The following FOLH1 variants were observed in gnomAD, a reference collection of about 807,000 sequenced individuals.
The protein encoded by FOLH1 is glutamate carboxypeptidase 2.
A neutral mutation model predicts 93.9 loss-of-function variants in FOLH1; 54 were observed. That is an observed-to-expected ratio of 0.57 (90% CI 0.46 to 0.72). The LOEUF is 0.72. Ranked by LOEUF, FOLH1 falls within the 30% of genes least tolerant of loss-of-function variation. The pLI, the probability that FOLH1 is intolerant of heterozygous loss-of-function variation, is 0.00. For missense variants in FOLH1, 571 were observed against 892.5 expected (o/e 0.64, Z 4.59); for synonymous variants, 249 against 303.6 (o/e 0.82, Z 1.87).
At chr11:49,179,055 A>C (rs1363098914) in intron 7 of FOLH1, among the ~76,000 whole-genome samples, 1 of 152,266 alleles carries the variant, frequency 6.6e-6, no homozygotes, top group Non-Finnish European at 1.5e-5. Flanking sequence ...AATTCTAAAA[A>C]ATTTGGACAA....
intron 12 of FOLH1, among the ~76,000 whole-genome samples, chr11:49,166,505 C>T (rs905291357): frequency 7.9e-5 from 12 of 152,206 alleles, no homozygotes; most frequent in Admixed American, 2.6e-4. Flanking sequence ...GCACCCACTA[C>T]GCTCTTGGTG....
chr11:49,171,403 A>G, intron 10 of FOLH1, 126 bp from the exon 11 acceptor site: 1 of 1,280,534 alleles, frequency 7.8e-7, no homozygotes, highest in Non-Finnish European at 1.1e-6. Context: ...AAATTGTAGT[A>G]AAAAATCTTT....
intron 18 of FOLH1, among the ~76,000 whole-genome samples, chr11:49,147,755 C>A (rs117668725): frequency 0.015 from 2,266 of 152,134 alleles, 33 homozygotes; most frequent in South Asian, 0.03. Flanking sequence ...GACACCCTGT[C>A]GCTACAAATG....
At position 49,204,171 on chromosome 11, in the gene FOLH1, G is replaced by A. The variant is rs149291325; in HGVS notation, c.224+1896C>T. Among the ~76,000 whole-genome samples the A allele has an allele frequency of 6.7e-4, 102 of 152,334 alleles. 3 individuals are homozygous for A. The East Asian group carries it at 9.3e-3, about 14-fold the overall frequency. The stretch of plus-strand genomic sequence containing the variant: ...CCTAAGAGAAGAATCATGGGAAAGA[G>A]GCAAGCGTAAAGAAGTCCTACGATC... On this transcript the variant is annotated intron_variant, in intron 2 of 18. Coordinates refer to ENST00000256999, the MANE Select transcript of FOLH1 (RefSeq NM_004476.3).
intron 7 of FOLH1, among the ~76,000 whole-genome samples, chr11:49,177,957 C>CAG (rs1252451996): frequency 1.9e-5 from 2 of 102,564 alleles, no homozygotes; most frequent in African/African-American, 7.7e-5. Flanking sequence ...GAGCAAAACT[C>CAG]AGTCTCAAAA....
At chr11:49,159,921 TTTTTG>T (rs1857499311) in intron 13 of FOLH1, among the ~76,000 whole-genome samples, 2 of 151,250 alleles carry the variant, frequency 1.3e-5, no homozygotes, top group South Asian at 2.1e-4. Flanking sequence ...TTTTTTTCTG[TTTTTG>T]TTTTGTTTTG....
chr11:49,155,337 C>T (rs1403216171), intron 15 of FOLH1, among the ~76,000 whole-genome samples: 2 of 152,068 alleles, frequency 1.3e-5, no homozygotes, highest in East Asian at 3.9e-4. Context: ...TCCTGCATAA[C>T]TCTGCCTAAC....
rs1855785555 is a variant in FOLH1, at chr11:49,146,429, T to C, written c.*327A>G. ...TCTCTGACATACTGATGTTTTCTTCTGTGTGAAGTGACATGAATAGATTAG... is the reference window on the plus strand; with the variant it reads ...TCTCTGACATACTGATGTTTTCTTCCGTGTGAAGTGACATGAATAGATTAG... On this transcript the variant is annotated 3_prime_UTR_variant, in exon 19 of 19. Coordinates refer to ENST00000256999, the MANE Select transcript of FOLH1 (RefSeq NM_004476.3). Among the ~76,000 whole-genome samples, 1 of 152,172 alleles carries C rather than the reference T, an allele frequency of 6.6e-6. No individual in the cohort carries two copies. The highest frequency in any genetic ancestry group is 1.5e-5 in the Non-Finnish European group (1 of 68,026).
chr11:49,165,808 A>C (rs933779449), intron 12 of FOLH1, among the ~76,000 whole-genome samples: 19 of 152,336 alleles, frequency 1.2e-4, no homozygotes, highest in African/African-American at 3.4e-4. Flanking sequence ...ATGGAACTTA[A>C]AGATTTGATT....
In FOLH1 at chr11:49,159,875, G is replaced by A. The variant is rs115129171; in HGVS notation, c.1441-1832C>T. Among the ~76,000 whole-genome samples the A allele has an allele frequency of 5.6e-3, 850 of 151,476 alleles. 9 individuals are homozygous for A. The highest frequency in any genetic ancestry group is 0.02 in the African/African-American group (811 of 41,348). ...AGCCTTCAGAAGGTGTATGTTTCCAGGAATTTATCCTTTTTTTTCTTTTTC... is the reference window on the plus strand; with the variant it reads ...AGCCTTCAGAAGGTGTATGTTTCCAAGAATTTATCCTTTTTTTTCTTTTTC... On this transcript the variant is annotated intron_variant, in intron 13 of 18. Transcript: ENST00000256999.
chr11:49,146,551 C>T lies in FOLH1; in HGVS notation c.*205G>A, dbSNP rs186321020. On this transcript the variant is annotated 3_prime_UTR_variant, in exon 19 of 19. Transcript: ENST00000256999. ...TTAAATTTTTCCACTTCAGAATAACCTCTTATAATTATGAAATTCAGTTTT... is the reference window on the plus strand; with the variant it reads ...TTAAATTTTTCCACTTCAGAATAACTTCTTATAATTATGAAATTCAGTTTT... The T allele has an allele frequency of 7.8e-4, 379 of 488,364 alleles. 1 individual carries two copies. The highest frequency in any genetic ancestry group is 7.2e-3 in the African/African-American group (357 of 49,814). The allele number at this position is 488,364 out of a possible 1,614,324, so 30.3% of individuals were successfully genotyped here. A position where few individuals can be genotyped will look rare whatever the true frequency, so the allele number is the denominator to read the frequency against.
intron 2 of FOLH1, among the ~76,000 whole-genome samples, chr11:49,203,627 T>C (rs1863514620): frequency 6.6e-6 from 1 of 152,194 alleles, no homozygotes. Flanking sequence ...CTTTTGTGTG[T>C]TTATGCTGAA....
At position 49,208,392 on chromosome 11, in the gene FOLH1, G is replaced by A. The variant is rs775836030; in HGVS notation, c.18C>T (p.His6=). The A allele has an allele frequency of 5.6e-6, 9 of 1,601,908 alleles. No homozygotes were observed. The highest frequency in any genetic ancestry group is 1.7e-5 in the Admixed American group (1 of 59,088). ...CGGTGGCCACAGCCGAGTCGGTTTCGTGAAGGAGATTCCACATCTCGGCGC... is the reference window on the plus strand; with the variant it reads ...CGGTGGCCACAGCCGAGTCGGTTTCATGAAGGAGATTCCACATCTCGGCGC... MWNLL[H]ETDSAVATAR... The change falls in exon 1 of 19, where the codon CAC becomes CAT. Residue 6 remains histidine (H), a synonymous_variant. Coordinates refer to ENST00000256999, the MANE Select transcript of FOLH1 (RefSeq NM_004476.3).
rs182560979 is a variant in FOLH1 at position 49,172,933 on chromosome 11, G to A, written c.1225+424C>T. Among the ~76,000 whole-genome samples, 1,070 of 152,246 alleles carry A rather than the reference G, an allele frequency of 7.0e-3. 40 individuals carry two copies. Among genetic ancestry groups the A allele is most frequent in the Admixed American group, 0.055 (834 of 15,284 alleles). On this transcript the variant is annotated intron_variant, in intron 10 of 18. Transcript: ENST00000256999. Reference sequence around the variant, plus strand: ...TTAGACCTAAGACCTGTATTTCTCTGAATAGAGCATCTATCTCCTTAATTA... The same window carrying A: ...TTAGACCTAAGACCTGTATTTCTCTAAATAGAGCATCTATCTCCTTAATTA...
At chr11:49,169,099 T>C in intron 12 of FOLH1, 96 bp downstream of exon 12, 1 of 1,401,584 alleles carries the variant, frequency 7.1e-7, no homozygotes, top group East Asian at 2.3e-5. Flanking sequence ...TAACCACACA[T>C]TAATGCATAG....
intron 3 of FOLH1, among the ~76,000 whole-genome samples, chr11:49,193,960 C>G (rs1590660784): frequency 1.3e-5 from 2 of 151,854 alleles, no homozygotes; most frequent in East Asian, 3.9e-4. Context: ...GAGTTTGAGA[C>G]CAGCCTGACC....
intron 3 of FOLH1, among the ~76,000 whole-genome samples, chr11:49,197,978 T>C (rs1862807847): frequency 6.6e-6 from 1 of 152,040 alleles, no homozygotes. Flanking sequence ...AAAAAAGAAC[T>C]AATGATATAA....
At chr11:49,205,118 C>T (rs569037374) in intron 2 of FOLH1, among the ~76,000 whole-genome samples, 2 of 152,034 alleles carry the variant, frequency 1.3e-5, no homozygotes, top group South Asian at 2.1e-4. Context: ...GCATGAGAAT[C>T]GCTTGTACCT....
At chr11:49,192,513 T>C (rs1156940871) in intron 4 of FOLH1, among the ~76,000 whole-genome samples, 1 of 152,218 alleles carries the variant, frequency 6.6e-6, no homozygotes, top group African/African-American at 2.4e-5. Context: ...TGTACATTGA[T>C]GGGATTTGGA....
Sources: gnomAD v4.1 joint callset for allele counts (sites outside exome capture counted in the v4.1 genomes callset) on GRCh38, gnomAD v4.1.1 for gene constraint, MANE v1.5 for transcripts, NCBI Gene and HGNC (gene_info 2026-07-23, HGNC 2026-07-21) for gene names.